The following NKAIN2 variants were observed in gnomAD, a reference collection of about 807,000 sequenced individuals.
The protein encoded by NKAIN2 is sodium/potassium-transporting ATPase subunit beta-1-interacting protein 2.
Under a neutral mutation model 32.6 loss-of-function variants are expected in NKAIN2, and 14 were observed. The observed-to-expected ratio is 0.43, with a 90% CI of 0.28 to 0.67. The LOEUF (loss-of-function observed/expected upper bound fraction) is 0.67, where lower values mean the gene tolerates loss of function less well. Ranked by LOEUF, NKAIN2 falls within the 30% of genes least tolerant of loss-of-function variation. The probability of loss-of-function intolerance (pLI) is 0.17; values close to 1 mark genes in which losing one functional copy is unlikely to be tolerated. For missense variants in NKAIN2, 198 were observed against 258.3 expected (o/e 0.77, Z 1.60); for synonymous variants, 80 against 87.2 (o/e 0.92, Z 0.46).
chr6:123,838,468 T>C (rs536582008), intron 1 of NKAIN2, among the ~76,000 whole-genome samples: 4 of 152,342 alleles, frequency 2.6e-5, no homozygotes, highest in Admixed American at 2.6e-4. Context: ...ATAATATTTA[T>C]TCTGCTACTG....
At chr6:124,004,064 A>C (rs1387007572) in intron 1 of NKAIN2, among the ~76,000 whole-genome samples, 1 of 152,228 alleles carries the variant, frequency 6.6e-6, no homozygotes, top group Non-Finnish European at 1.5e-5. Context: ...ATTCCAAAGC[A>C]AGTAATAGCA....
chr6:123,918,448 G>A (rs1009056299), intron 1 of NKAIN2, among the ~76,000 whole-genome samples: 3 of 152,144 alleles, frequency 2.0e-5, no homozygotes, highest in Non-Finnish European at 2.9e-5. Flanking sequence ...CACTCTGTTA[G>A]TGTTATTTAA....
chr6:124,807,345 CTG>C (rs1780622456), intron 5 of NKAIN2, among the ~76,000 whole-genome samples: 1 of 150,924 alleles, frequency 6.6e-6, no homozygotes, highest in Non-Finnish European at 1.5e-5. Context: ...TCACTCAAAA[CTG>C]CTCAACTACA....
chr6:124,136,849 C>A (rs1786817160), intron 1 of NKAIN2, among the ~76,000 whole-genome samples: 1 of 151,856 alleles, frequency 6.6e-6, no homozygotes, highest in South Asian at 2.1e-4. Flanking sequence ...ATAGAAGGGA[C>A]AGGGACATAC....
At chr6:124,325,247 T>A (rs1211134234) in intron 2 of NKAIN2, among the ~76,000 whole-genome samples, 1 of 152,120 alleles carries the variant, frequency 6.6e-6, no homozygotes, top group African/African-American at 2.4e-5. Context: ...CTACAAAATT[T>A]CTTCCAGAAA....
chr6:124,155,994 A>G (rs1479421509), intron 1 of NKAIN2, among the ~76,000 whole-genome samples: 1 of 151,710 alleles, frequency 6.6e-6, no homozygotes, highest in Non-Finnish European at 1.5e-5. Flanking sequence ...ACTAGGCCCC[A>G]TTATACCTCC....
intron 1 of NKAIN2, among the ~76,000 whole-genome samples, chr6:124,207,236 GA>G (rs1300985211): frequency 6.6e-6 from 1 of 151,342 alleles, no homozygotes; most frequent in Non-Finnish European, 1.5e-5. Context: ...ATGCTACAGT[GA>G]AACATGTTCA....
At chr6:123,915,743 C>T (rs1286408003) in intron 1 of NKAIN2, among the ~76,000 whole-genome samples, 1 of 152,068 alleles carries the variant, frequency 6.6e-6, no homozygotes, top group Non-Finnish European at 1.5e-5. Flanking sequence ...CACGAATTCT[C>T]TTGTGTGTCT....
rs1479804955 is a variant in NKAIN2 at position 124,824,171 on chromosome 6, C to A, written c.*942C>A. ...CTTAACTCGCTGATTTTATTTATTG[C>A]ACTCTAGGTGCTTTTATAAGTATCT... On this transcript the variant is annotated 3_prime_UTR_variant, in exon 7 of 7. Transcript: ENST00000368417. 6.6e-6 allele frequency: 1 copy of A among 152,584 alleles called. No homozygotes were observed. The highest frequency in any genetic ancestry group is 1.5e-5 in the Non-Finnish European group (1 of 68,048). The allele number at this position is 152,584 out of a possible 1,614,324, so 9.5% of individuals were successfully genotyped here.
At chr6:124,695,125 G>T (rs1583661570) in intron 4 of NKAIN2, among the ~76,000 whole-genome samples, 3 of 147,138 alleles carry the variant, frequency 2.0e-5, no homozygotes, top group South Asian at 2.2e-4. Flanking sequence ...GTCTTCATTT[G>T]TCTTTAACTA....
At chr6:124,534,731 A>G (rs954748018) in intron 3 of NKAIN2, among the ~76,000 whole-genome samples, 9 of 152,050 alleles carry the variant, frequency 5.9e-5, no homozygotes, top group African/African-American at 2.2e-4. Flanking sequence ...CTCTCTTTTT[A>G]TGGCTAACTC....
intron 3 of NKAIN2, among the ~76,000 whole-genome samples, chr6:124,492,052 A>C (rs1340955495): frequency 6.6e-6 from 1 of 151,950 alleles, no homozygotes; most frequent in African/African-American, 2.4e-5. Context: ...AAATCAGTAA[A>C]ATTGTAAGAG....
At chr6:124,652,839 C>A (rs12529414) in intron 3 of NKAIN2, among the ~76,000 whole-genome samples, 79,680 of 151,856 alleles carry the variant, frequency 0.52, 21,508 homozygotes, top group Middle Eastern at 0.6. Flanking sequence ...ATTGGTGAGC[C>A]TGGAGTCCTC....
chr6:124,792,850 G>C (rs979917731), intron 5 of NKAIN2, among the ~76,000 whole-genome samples: 5 of 152,240 alleles, frequency 3.3e-5, no homozygotes, highest in African/African-American at 4.8e-5. Flanking sequence ...GGGTGAGATA[G>C]TAGAAAAATG....
rs1368565502 is a variant in NKAIN2, at chr6:123,811,153, C to A, written c.54+6899C>A. Among the ~76,000 whole-genome samples the A allele has an allele frequency of 2.6e-5, 4 of 152,296 alleles. No homozygotes were observed. In the East Asian group the frequency reaches 7.7e-4, roughly 29 times the overall value. On this transcript the variant is annotated intron_variant, in intron 1 of 6. Transcript: ENST00000368417. ...ATCCAACTAGATAATTAACTAAATT[C>A]TTCCTATGGCCTTCTACTGATATGA...
intron 4 of NKAIN2, among the ~76,000 whole-genome samples, chr6:124,686,581 T>G (rs543969764): frequency 6.6e-6 from 1 of 152,222 alleles, no homozygotes; most frequent in South Asian, 2.1e-4. Flanking sequence ...AATCACCTCC[T>G]ACCAGGCCTC....
Position 124,246,869 on chromosome 6 carries a change from T to A in NKAIN2, c.55-36136T>A, listed in dbSNP as rs368790056. ...TGGCTTCAAACAACATAAATGTGCT[T>A]TTCTTATGGTTTTATAGGTTGGAGT... On this transcript the variant is annotated intron_variant, in intron 1 of 6. Transcript: ENST00000368417. Among the ~76,000 whole-genome samples the A allele has an allele frequency of 2.0e-3, 301 of 152,220 alleles. 2 individuals are homozygous for A. The highest frequency in any genetic ancestry group is 6.8e-3 in the African/African-American group (281 of 41,542).
At chr6:123,936,600 TATAAAG>T (rs1333654509) in intron 1 of NKAIN2, among the ~76,000 whole-genome samples, 5 of 152,088 alleles carry the variant, frequency 3.3e-5, no homozygotes, top group African/African-American at 1.2e-4. Context: ...GGAGTAATAA[TATAAAG>T]ATAATGTATT....
chr6:124,119,935 G>A (rs1459332569), intron 1 of NKAIN2, among the ~76,000 whole-genome samples: 1 of 151,970 alleles, frequency 6.6e-6, no homozygotes, highest in African/African-American at 2.4e-5. Flanking sequence ...TTGTATACCT[G>A]GCCTGCTTTG....
Sources: gnomAD v4.1 joint callset for allele counts (sites outside exome capture counted in the v4.1 genomes callset) on GRCh38, gnomAD v4.1.1 for gene constraint, MANE v1.5 for transcripts, NCBI Gene and HGNC (gene_info 2026-07-23, HGNC 2026-07-21) for gene names.